Variants in NFIB observed in about 807,000 individuals in gnomAD.
NFIB encodes nuclear factor 1 B-type.
In NFIB, 11 loss-of-function variants were observed where a neutral mutation model predicts 61.5. That is an observed-to-expected ratio of 0.18 (90% CI 0.11 to 0.30). NFIB has a LOEUF of 0.30. Among genes scored for constraint, NFIB ranks in the 10% least tolerant of loss-of-function variants. NFIB has a pLI of 1.00. For missense variants in NFIB, 471 were observed against 608.9 expected (o/e 0.77, Z 2.38); for synonymous variants, 260 against 216.5 (o/e 1.20, Z -1.76).
chr9:14,159,008 T>G (rs1233526813), intron 3 of NFIB, among the ~76,000 whole-genome samples: 1 of 151,012 alleles, frequency 6.6e-6, no homozygotes, highest in Non-Finnish European at 1.5e-5. Flanking sequence ...AATCTGAAGT[T>G]CATTTCCTTA....
chr9:14,500,818 C>T, the NFIB span, among the ~76,000 whole-genome samples: 1 of 152,126 alleles, frequency 6.6e-6, no homozygotes, highest in South Asian at 2.1e-4. Context: ...TTTCCCACAG[C>T]GAATCTACAT....
At chr9:14,208,553 T>C (rs2049989062) in intron 2 of NFIB, among the ~76,000 whole-genome samples, 1 of 151,420 alleles carries the variant, frequency 6.6e-6, no homozygotes, top group Non-Finnish European at 1.5e-5. Flanking sequence ...GTATTTTTAC[T>C]TAAAAGAGCT....
At chr9:14,344,069 T>C (rs1328154491) in intron 1 of NFIB, among the ~76,000 whole-genome samples, 4 of 149,228 alleles carry the variant, frequency 2.7e-5, no homozygotes, top group Non-Finnish European at 5.9e-5. Context: ...AGTATGCTAA[T>C]ATGCTGAGGA....
chr9:14,154,180 G>A (rs543424012), intron 4 of NFIB, among the ~76,000 whole-genome samples: 21 of 152,020 alleles, frequency 1.4e-4, no homozygotes, highest in African/African-American at 5.1e-4. Flanking sequence ...GTTCTAATGT[G>A]GTTCTCCTTT....
At chr9:14,432,395 C>A in the NFIB span, among the ~76,000 whole-genome samples, 1 of 152,090 alleles carries the variant, frequency 6.6e-6, no homozygotes, top group Non-Finnish European at 1.5e-5. Context: ...CCTGCTACAC[C>A]CATTCCTGGG....
Position 14,229,254 on chromosome 9 carries a change from A to C in NFIB, c.563-49474T>G, listed in dbSNP as rs912821616. Among the ~76,000 whole-genome samples, 8 of 152,338 alleles carry C rather than the reference A, an allele frequency of 5.3e-5. No individual in the cohort carries two copies. In the South Asian group the frequency reaches 1.2e-3, roughly 24 times the overall value. On this transcript the variant is annotated intron_variant, in intron 2 of 10. Coordinates refer to ENST00000380953, the MANE Select transcript of NFIB (RefSeq NM_001190737.2). ...TATTGAACCAATAACATATTAGGTG[A>C]TCAGGTTGTTACACCAGCACGCAAA...
intron 2 of NFIB, among the ~76,000 whole-genome samples, chr9:14,192,085 C>T: frequency 6.6e-6 from 1 of 152,128 alleles, no homozygotes; most frequent in Non-Finnish European, 1.5e-5. Flanking sequence ...AATTCTTTGT[C>T]AGAGTTAATT....
In NFIB at chr9:14,313,648, C is replaced by G. The variant is rs576438028; in HGVS notation, c.-137G>C. The G allele has an allele frequency of 3.9e-6, 6 of 1,532,138 alleles. No homozygotes were observed. The South Asian group carries it at 5.0e-5, about 13-fold the overall frequency. 94.9% of individuals were successfully genotyped at this position (1,532,138 alleles called of 1,614,324 possible). A position where few individuals can be genotyped will look rare whatever the true frequency, so the allele number is the denominator to read the frequency against. ...GACGGGGCTCTGCGCTGGATCACCG[C>G]AACTTCACAACAAACCCAGTCCTCC... On this transcript the variant is annotated 5_prime_UTR_variant, in exon 1 of 11. Transcript: ENST00000380953. This position sits in a 1 kb window ranked among gnomAD's most constrained non-coding sequence, Gnocchi z 4.5.
At chr9:14,429,614 A>C in the NFIB span, among the ~76,000 whole-genome samples, 1 of 152,206 alleles carries the variant, frequency 6.6e-6, no homozygotes, top group Non-Finnish European at 1.5e-5. Context: ...ATCATCCCTC[A>C]ATTCTCGGAT....
chr9:14,220,944 G>A (rs1459515328), intron 2 of NFIB, among the ~76,000 whole-genome samples: 1 of 149,656 alleles, frequency 6.7e-6, no homozygotes, highest in Non-Finnish European at 1.5e-5. Flanking sequence ...TTTCTGCTCT[G>A]AACTACGTTA....
At chr9:14,346,827 C>A (rs917750497) in intron 1 of NFIB, among the ~76,000 whole-genome samples, 1 of 152,144 alleles carries the variant, frequency 6.6e-6, no homozygotes, top group African/African-American at 2.4e-5. Context: ...GTAAAGAACT[C>A]AAGAAGACGT....
chr9:14,087,751 A>T lies in NFIB; in HGVS notation c.*558T>A. 4.6e-6 allele frequency: 1 copy of T among 219,372 alleles called. No individual in the cohort carries two copies. The highest frequency in any genetic ancestry group is 9.2e-6 in the Non-Finnish European group (1 of 108,956). The allele number at this position is 219,372 out of a possible 1,614,324, so 13.6% of individuals were successfully genotyped here. On this transcript the variant is annotated 3_prime_UTR_variant, in exon 11 of 11. Transcript: ENST00000380953. ...AGAGTGCTTATAAAATGGCTGGCTCATGGCTCTGTCACCCAGCACCTCTGA... is the reference window on the plus strand; with the variant it reads ...AGAGTGCTTATAAAATGGCTGGCTCTTGGCTCTGTCACCCAGCACCTCTGA...
chr9:14,380,883 T>C (rs1158575003), intron 1 of NFIB, among the ~76,000 whole-genome samples: 2 of 151,914 alleles, frequency 1.3e-5, no homozygotes, highest in Admixed American at 6.6e-5. Flanking sequence ...CTAGGTGCTG[T>C]CACTAATTCA....
chr9:14,330,121 C>G (rs1045713549), intron 1 of NFIB, among the ~76,000 whole-genome samples: 15 of 151,960 alleles, frequency 9.9e-5, no homozygotes, highest in African/African-American at 3.4e-4. Context: ...AGAGAGACTC[C>G]GTCTCAAAAA....
chr9:14,522,475 A>G, the NFIB span, among the ~76,000 whole-genome samples: 2 of 152,226 alleles, frequency 1.3e-5, no homozygotes, highest in Admixed American at 6.5e-5. Context: ...TGGATAAAAA[A>G]AAGCATTGTT....
At chr9:14,371,719 C>T (rs1162427620) in intron 1 of NFIB, among the ~76,000 whole-genome samples, 1 of 152,192 alleles carries the variant, frequency 6.6e-6, no homozygotes, top group Admixed American at 6.5e-5. Flanking sequence ...CATTCCTATT[C>T]ATTTGGTAGT....
chr9:14,161,714 A>G (rs979129698), intron 3 of NFIB, among the ~76,000 whole-genome samples: 1 of 152,176 alleles, frequency 6.6e-6, no homozygotes, highest in African/African-American at 2.4e-5. Context: ...AAAATATAAT[A>G]AACAAATAGC....
intron 2 of NFIB, among the ~76,000 whole-genome samples, chr9:14,292,714 A>C (rs79802915): frequency 6.6e-6 from 1 of 152,174 alleles, no homozygotes; most frequent in African/African-American, 2.4e-5. Context: ...TTCAATCACT[A>C]TATGGCGTAG....
chr9:14,119,842 T>C (rs1428986159), intron 8 of NFIB, among the ~76,000 whole-genome samples: 2 of 152,208 alleles, frequency 1.3e-5, no homozygotes, highest in Non-Finnish European at 2.9e-5. Context: ...GAAATGCTCA[T>C]GAGTCACTAC....
Sources: allele counts gnomAD v4.1 joint callset (sites outside exome capture counted in the v4.1 genomes callset), GRCh38; gene constraint gnomAD v4.1.1; non-coding constraint Gnocchi (gnomAD v3.1); transcripts MANE v1.5; gene names NCBI Gene and HGNC (gene_info 2026-07-23, HGNC 2026-07-21).